Variants in AMBN observed in about 807,000 individuals in gnomAD.
AMBN encodes the protein ameloblastin.
Under a neutral mutation model 48.0 loss-of-function variants are expected in AMBN, and 54 were observed. The ratio of observed to expected loss-of-function variants is 1.12; its 90% CI spans 0.90 to 1.41. The LOEUF is 1.41. Among genes scored for constraint, AMBN ranks in the 40% most tolerant of loss-of-function variants. The pLI is 0.00. For missense variants in AMBN, 571 were observed against 547.3 expected (o/e 1.04, Z -0.43); for synonymous variants, 186 against 190.0 (o/e 0.98, Z 0.17).
At chr4:70,602,760 T>C in intron 7 of AMBN, 38 bp from the exon 8 acceptor site, 1 of 1,511,822 alleles carries the variant, frequency 6.6e-7, no homozygotes, top group Non-Finnish European at 8.9e-7. Flanking sequence ...ACTTTGTTCA[T>C]TTTTTACTGA....
chr4:70,593,456 A>C, intron 2 of AMBN, 61 bp downstream of exon 2: 1 of 1,384,062 alleles, frequency 7.2e-7, no homozygotes. Context: ...TCCAAACAAC[A>C]CTGAAGGGAT....
intron 11 of AMBN, 142 bp downstream of exon 11, chr4:70,603,602 C>A: frequency 2.3e-6 from 2 of 883,300 alleles, no homozygotes; most frequent in Non-Finnish European, 3.5e-6. Context: ...ATTAAGGAGG[C>A]AAACTTCCTA....
At chr4:70,606,084 C>T in intron 12 of AMBN, 101 bp from the exon 13 acceptor site, 3 of 1,368,648 alleles carry the variant, frequency 2.2e-6, no homozygotes, top group Non-Finnish European at 3.0e-6. Context: ...TATTCTCCAC[C>T]AGTTTTTTAG....
At position 70,598,942 on chromosome 4, in the gene AMBN, T is replaced by C. The variant is rs549105163; in HGVS notation, c.183+539T>C. On this transcript the variant is annotated intron_variant, in intron 4 of 12. Coordinates refer to ENST00000322937, the MANE Select transcript of AMBN (RefSeq NM_016519.6). Reference sequence around the variant, plus strand: ...GGCATCTGCCACCACGCCAGGCTAATTTTTGTATTTTTTAGTAGAGACGGG... The same window carrying C: ...GGCATCTGCCACCACGCCAGGCTAACTTTTGTATTTTTTAGTAGAGACGGG... Among the ~76,000 whole-genome samples, 54 of 150,232 alleles carry C rather than the reference T, an allele frequency of 3.6e-4. 1 individual carries two copies. Among genetic ancestry groups the C allele is most frequent in the Admixed American group, 3.1e-3 (47 of 14,974 alleles).
chr4:70,606,048 A>G, intron 12 of AMBN, 137 bp from the exon 13 acceptor site: 1 of 966,532 alleles, frequency 1.0e-6, no homozygotes, highest in East Asian at 2.6e-5. Flanking sequence ...ATGAGCTTAC[A>G]CAAAGCTATC....
At chr4:70,598,476 C>A in intron 4 of AMBN, 73 bp downstream of exon 4, 2 of 1,220,260 alleles carry the variant, frequency 1.6e-6, no homozygotes, top group South Asian at 1.8e-5. Flanking sequence ...TATAATTCAT[C>A]AAATTTATTT....
intron 6 of AMBN, 30 bp from the exon 7 acceptor site, chr4:70,602,594 T>G: frequency 1.3e-6 from 2 of 1,492,416 alleles, no homozygotes; most frequent in Non-Finnish European, 1.8e-6. Flanking sequence ...ATTTTTTGAC[T>G]GATAATTTTA....
chr4:70,604,334 A>C (rs1737592333), intron 12 of AMBN, among the ~76,000 whole-genome samples: 1 of 152,242 alleles, frequency 6.6e-6, no homozygotes, highest in African/African-American at 2.4e-5. Context: ...CAAAATTGAA[A>C]GATCAAAAAG....
chr4:70,592,269 C>A lies in AMBN; in HGVS notation c.-90C>A. On this transcript the variant is annotated 5_prime_UTR_variant, in exon 1 of 13. Transcript: ENST00000322937. ...TCTTCCCTGAATGAGAAGTACAGAGCAAGTCCCACGCACAGTCCTGAAAAA... is the reference window on the plus strand; with the variant it reads ...TCTTCCCTGAATGAGAAGTACAGAGAAAGTCCCACGCACAGTCCTGAAAAA... 1 of 1,225,750 alleles carries A rather than the reference C, an allele frequency of 8.2e-7. No homozygotes were observed. Among genetic ancestry groups the A allele is most frequent in the African/African-American group, 1.5e-5 (1 of 67,496 alleles). 75.9% of individuals were successfully genotyped at this position (1,225,750 alleles called of 1,614,324 possible). A position where few individuals can be genotyped will look rare whatever the true frequency, so the allele number is the denominator to read the frequency against.
intron 4 of AMBN, 136 bp downstream of exon 4, chr4:70,598,539 T>A: frequency 1.9e-6 from 1 of 530,744 alleles, no homozygotes; most frequent in Non-Finnish European, 3.0e-6. Context: ...AATGAGAGCC[T>A]AAAACAAAAT....
intron 4 of AMBN, 41 bp from the exon 5 acceptor site, chr4:70,599,495 C>A: frequency 7.4e-7 from 1 of 1,359,598 alleles, no homozygotes; most frequent in Non-Finnish European, 1.0e-6. Flanking sequence ...TTATATTTAA[C>A]ATTTAAATAT....
Position 70,606,458 on chromosome 4 carries a change from A to G in AMBN, c.1072A>G (p.Lys358Glu). The G allele has an allele frequency of 1.2e-6, 2 of 1,613,886 alleles. No individual in the cohort carries two copies. Among genetic ancestry groups the G allele is most frequent in the Non-Finnish European group, 1.7e-6 (2 of 1,179,936 alleles). ...APHAGLLALP[K>E]DDIPGLPRSP... ...CCACGCAGGGCTCCTTGCTCTCCCT[A>G]AGGATGACATTCCCGGCCTGCCAAG... The change falls in exon 13 of 13, where the codon AAG (lysine) becomes GAG (glutamate). Residue 358 changes from lysine to glutamate, a missense_variant. Lys to Glu is a moderately conservative substitution (Grantham distance 56). Coordinates refer to ENST00000322937, the MANE Select transcript of AMBN (RefSeq NM_016519.6).
Position 70,601,513 on chromosome 4 carries a change from T to C in AMBN, c.390T>C (p.Ala130=). The C allele has an allele frequency of 6.2e-7, 1 of 1,614,208 alleles. No individual in the cohort carries two copies. Among genetic ancestry groups the C allele is most frequent in the Non-Finnish European group, 8.5e-7 (1 of 1,180,006 alleles). ...GACTGAAACCTTTTCTCCAGTCTGC[T>C]GCTGCAACCACCAACCAGGCCACAG... ...QPGLKPFLQS[A]AATTNQATAL... is the part of the protein sequence containing the mutation. Residue 130 remains alanine, a synonymous_variant, in exon 6 of 13, where the codon GCT becomes GCC. Coordinates refer to ENST00000322937, the MANE Select transcript of AMBN (RefSeq NM_016519.6).
chr4:70,593,432 A>T, intron 2 of AMBN, 37 bp downstream of exon 2: 1 of 1,552,050 alleles, frequency 6.4e-7, no homozygotes, highest in South Asian at 1.1e-5. Flanking sequence ...AGAAAAGGTT[A>T]TTGATTGTCG....
In AMBN at chr4:70,607,212, C is replaced by A. The variant is rs1275838020; in HGVS notation, c.*482C>A. 1.3e-5 allele frequency: 2 copies of A among 152,228 alleles called. No individual in the cohort carries two copies. Among genetic ancestry groups the A allele is most frequent in the Non-Finnish European group, 2.9e-5 (2 of 68,130 alleles). 9.4% of individuals were successfully genotyped at this position (152,228 alleles called of 1,614,324 possible). On this transcript the variant is annotated 3_prime_UTR_variant, in exon 13 of 13. Transcript: ENST00000322937. ...GTTTGGTATAATTTAATTTAAAATT[C>A]TCATTTATAGAGTATTTTATTTAAT...
intron 6 of AMBN, among the ~76,000 whole-genome samples, 196 bp from the exon 7 acceptor site, chr4:70,602,428 T>C (rs889574372): frequency 2.6e-5 from 4 of 152,150 alleles, no homozygotes; most frequent in African/African-American, 7.2e-5. Flanking sequence ...AAAAGACCAT[T>C]GCAAACTCTT....
chr4:70,602,567 CTT>C (rs1457136787), intron 6 of AMBN, 55 bp from the exon 7 acceptor site: 5 of 1,294,474 alleles, frequency 3.9e-6, no homozygotes, highest in Middle Eastern at 2.4e-4. Flanking sequence ...TTTAATGTCA[CTT>C]TGTCTATTTT....
intron 2 of AMBN, among the ~76,000 whole-genome samples, chr4:70,595,370 A>ATTTT (rs1560386064): frequency 3.2e-4 from 49 of 151,712 alleles, no homozygotes; most frequent in Non-Finnish European, 6.3e-4. Flanking sequence ...GTATTTTTGT[A>ATTTT]GAGACGCGGT....
In AMBN at chr4:70,606,413, A is replaced by G. The variant is rs1402964777; in HGVS notation, c.1027A>G (p.Thr343Ala). Reference sequence around the variant, plus strand: ...CAATCTAGAAAACCCAGCTTTCCTTACAGAGCTAGAACCTGCTCCCCACGC... The same window carrying G: ...CAATCTAGAAAACCCAGCTTTCCTTGCAGAGCTAGAACCTGCTCCCCACGC... Reference protein sequence around the residue: ...PDNLENPAFLTELEPAPHAGL... With the variant: ...PDNLENPAFLAELEPAPHAGL... The change falls in exon 13 of 13, where the codon ACA becomes GCA. Residue 343 changes from threonine (T) to alanine (A), a missense_variant. Physicochemically the swap from Thr to Ala is moderately conservative, Grantham distance 58. Transcript: ENST00000322937. The G allele has an allele frequency of 5.0e-6, 8 of 1,614,010 alleles. No individual in the cohort carries two copies. Among genetic ancestry groups the G allele is most frequent in the African/African-American group, 1.3e-5 (1 of 75,044 alleles).
Sources: allele counts gnomAD v4.1 joint callset (sites outside exome capture counted in the v4.1 genomes callset), GRCh38; gene constraint gnomAD v4.1.1; transcripts MANE v1.5; gene names NCBI Gene and HGNC (gene_info 2026-07-23, HGNC 2026-07-21).